Variants in KDM4C observed in about 807,000 individuals in gnomAD.
KDM4C encodes lysine demethylase 4C.
In KDM4C, 81 loss-of-function variants were observed where a neutral mutation model predicts 129.3. That is an observed-to-expected ratio of 0.63 (90% CI 0.52 to 0.75). KDM4C has a LOEUF of 0.75. Ranked by LOEUF, KDM4C falls within the 30% of genes least tolerant of loss-of-function variation. KDM4C has a pLI of 0.00. For synonymous variants in KDM4C, 573 were observed against 456.1 expected (o/e 1.26, Z -3.26); for missense variants, 1,457 against 1,304.0 (o/e 1.12, Z -1.81).
intron 2 of KDM4C, 130 bp downstream of exon 2, chr9:6,793,262 G>C (rs1827067587): frequency 2.4e-6 from 2 of 832,300 alleles, no homozygotes; most frequent in South Asian, 3.6e-5. Context: ...GTTAATCCAT[G>C]TGAAACATTT....
intron 5 of KDM4C, among the ~76,000 whole-genome samples, chr9:6,856,233 T>C (rs1839786974): frequency 1.3e-5 from 2 of 152,032 alleles, no homozygotes; most frequent in East Asian, 3.9e-4. Flanking sequence ...AGTGATCCAT[T>C]GAATTAGCAG....
Position 6,888,240 on chromosome 9 carries a change from C to G in KDM4C, c.783+177C>G, listed in dbSNP as rs576855139. Among the ~76,000 whole-genome samples, 4 of 152,138 alleles carry G rather than the reference C, an allele frequency of 2.6e-5. No homozygotes were observed. The South Asian group carries it at 8.3e-4, about 32-fold the overall frequency. ...TCCTAATTAGAAATTAATTTTATTTCAAATATATTTACTAGAGATTTCATG... is the reference window on the plus strand; with the variant it reads ...TCCTAATTAGAAATTAATTTTATTTGAAATATATTTACTAGAGATTTCATG... On this transcript the variant is annotated intron_variant, in intron 7 of 21. Transcript: ENST00000381309.
chr9:6,966,931 A>T (rs1831079392), intron 8 of KDM4C, among the ~76,000 whole-genome samples: 1 of 152,242 alleles, frequency 6.6e-6, no homozygotes, highest in Admixed American at 6.5e-5. Context: ...AAAAAAATTG[A>T]TGATTTAGGG....
chr9:6,901,855 A>G (rs908742703), intron 8 of KDM4C, among the ~76,000 whole-genome samples: 7 of 152,198 alleles, frequency 4.6e-5, no homozygotes, highest in Non-Finnish European at 8.8e-5. Context: ...TAAGTAAGAC[A>G]TGTAGTTTCT....
intron 18 of KDM4C, among the ~76,000 whole-genome samples, chr9:7,110,819 C>T (rs1838238331): frequency 6.6e-6 from 1 of 152,184 alleles, no homozygotes; most frequent in African/African-American, 2.4e-5. Context: ...AAAATACAGC[C>T]ACTTTTCTAA....
chr9:7,051,233 A>T (rs545056760), intron 17 of KDM4C, among the ~76,000 whole-genome samples: 1 of 152,276 alleles, frequency 6.6e-6, no homozygotes, highest in South Asian at 2.1e-4. Context: ...GAGCAACTTC[A>T]TTTGGGGGGA....
intron 8 of KDM4C, among the ~76,000 whole-genome samples, chr9:6,967,097 T>A (rs1270126088): frequency 6.6e-6 from 1 of 152,074 alleles, no homozygotes; most frequent in African/African-American, 2.4e-5. Flanking sequence ...ATGAAGTGAC[T>A]AAAGCATCTC....
chr9:7,042,913 G>T (rs1464673740), intron 15 of KDM4C, among the ~76,000 whole-genome samples: 1 of 152,000 alleles, frequency 6.6e-6, no homozygotes, highest in African/African-American at 2.4e-5. Flanking sequence ...TAACAATGTT[G>T]TTGGCATATA....
Position 7,052,910 on chromosome 9 carries a change from T to TGTTGTACAGTGGGGTGCTTTA in KDM4C, c.2424+3711_2424+3712insTTGTACAGTGGGGTGCTTTAG, listed in dbSNP as rs139147225. ...GAGAGAGAGAGAGAGAGCGAGCGAG[T>TGTTGTACAGTGGGGTGCTTTA]GCCCAAGGGATGACAATAGAGCATC... is the stretch of plus-strand genomic sequence containing the variant. On this transcript the variant is annotated intron_variant, in intron 17 of 21. Transcript: ENST00000381309. Among the ~76,000 whole-genome samples the TGTTGTACAGTGGGGTGCTTTA allele has an allele frequency of 2.1e-4, 27 of 126,786 alleles. 2 individuals are homozygous for TGTTGTACAGTGGGGTGCTTTA. Among genetic ancestry groups the TGTTGTACAGTGGGGTGCTTTA allele is most frequent in the Non-Finnish European group, 2.7e-4 (15 of 56,600 alleles). The allele number at this position is 126,786 out of a possible 152,430, so 83.2% of individuals were successfully genotyped here. A position where few individuals can be genotyped will look rare whatever the true frequency, so the allele number is the denominator to read the frequency against.
intron 1 of KDM4C, among the ~76,000 whole-genome samples, chr9:6,792,203 C>T (rs1316802778): frequency 6.6e-6 from 1 of 151,334 alleles, no homozygotes; most frequent in East Asian, 2.0e-4. Flanking sequence ...GGTAGCCCGG[C>T]ATGGTGGCGG....
At chr9:6,828,925 T>C (rs1388189246) in intron 4 of KDM4C, among the ~76,000 whole-genome samples, 1 of 152,242 alleles carries the variant, frequency 6.6e-6, no homozygotes, top group Non-Finnish European at 1.5e-5. Context: ...CCGTTTCTCT[T>C]TTCACTCTTC....
At chr9:7,076,529 C>T (rs905556791) in intron 17 of KDM4C, 44 of 1,540,954 alleles carry the variant, frequency 2.9e-5, no homozygotes, top group African/African-American at 4.1e-5. Flanking sequence ...AAAGTTACAT[C>T]CCCTCCGCCA....
intron 17 of KDM4C, among the ~76,000 whole-genome samples, chr9:7,061,102 G>A (rs1351959377): frequency 6.6e-6 from 1 of 152,080 alleles, no homozygotes; most frequent in Non-Finnish European, 1.5e-5. Context: ...CCTTATTTTG[G>A]AGAGGGGAAG....
At chr9:6,936,451 T>G (rs973140275) in intron 8 of KDM4C, among the ~76,000 whole-genome samples, 1 of 152,232 alleles carries the variant, frequency 6.6e-6, no homozygotes, top group African/African-American at 2.4e-5. Flanking sequence ...TTATTGCCAT[T>G]GAATATTTCA....
At chr9:6,779,561 T>C (rs1823870152) in intron 1 of KDM4C, among the ~76,000 whole-genome samples, 1 of 152,210 alleles carries the variant, frequency 6.6e-6, no homozygotes, top group Non-Finnish European at 1.5e-5. Context: ...ACTTGGACCC[T>C]GATCTTCTGT....
intron 1 of KDM4C, among the ~76,000 whole-genome samples, chr9:6,732,339 T>A (rs1588039205): frequency 8.8e-6 from 1 of 114,052 alleles, no homozygotes; most frequent in East Asian, 2.8e-4. Flanking sequence ...CACTCCAGCC[T>A]GGGTGACAGA....
intron 8 of KDM4C, among the ~76,000 whole-genome samples, chr9:6,959,233 A>G (rs1219788947): frequency 6.6e-6 from 1 of 152,136 alleles, no homozygotes. Context: ...GTCTGTTTGA[A>G]ATCCCCATGC....
chr9:7,089,000 A>C (rs1435147836), intron 17 of KDM4C, among the ~76,000 whole-genome samples: 1 of 152,192 alleles, frequency 6.6e-6, no homozygotes, highest in Non-Finnish European at 1.5e-5. Flanking sequence ...TTACTTTTTA[A>C]AAATTGAAGT....
At chr9:6,975,693 G>A (rs1352757963) in intron 8 of KDM4C, among the ~76,000 whole-genome samples, 5 of 151,668 alleles carry the variant, frequency 3.3e-5, no homozygotes, top group East Asian at 2.0e-4. Context: ...GGTGTAGGAA[G>A]GTCAGATGGG....
Sources: allele counts gnomAD v4.1 joint callset (sites outside exome capture counted in the v4.1 genomes callset), GRCh38; gene constraint gnomAD v4.1.1; transcripts MANE v1.5; gene names NCBI Gene and HGNC (gene_info 2026-07-23, HGNC 2026-07-21).